Variants in METTL21A observed in about 807,000 individuals in gnomAD.
METTL21A encodes methyltransferase 21A, HSPA lysine.
Under a neutral mutation model 20.9 loss-of-function variants are expected in METTL21A, and 22 were observed. The observed-to-expected ratio is 1.05, with a 90% CI of 0.75 to 1.50. The LOEUF (loss-of-function observed/expected upper bound fraction) is 1.50, where lower values mean the gene tolerates loss of function less well. Among genes scored for constraint, METTL21A ranks in the 40% most tolerant of loss-of-function variants. METTL21A has a pLI of 0.00. For missense variants in METTL21A, 271 were observed against 266.8 expected, an observed-to-expected ratio of 1.02 and a Z score of -0.11; for synonymous variants, 93 against 102.0, an observed-to-expected ratio of 0.91 and a Z score of 0.53.
intron 3 of METTL21A, among the ~76,000 whole-genome samples, chr2:207,616,706 C>T (rs1378561109): frequency 2.0e-5 from 3 of 152,040 alleles, no homozygotes; most frequent in South Asian, 2.1e-4. Flanking sequence ...ATTAGCCAGG[C>T]GTGGTGGCAG....
At chr2:207,604,588 CTTG>C (rs2087751320), downstream of METTL21A, among the ~76,000 whole-genome samples, 1 of 152,142 alleles carries the variant, frequency 6.6e-6, no homozygotes, top group African/African-American at 2.4e-5. Flanking sequence ...GAATGTTATC[CTTG>C]TTTTTAATTA....
At chr2:207,587,207 C>CA (rs1210070363) in intron 3 of METTL21A, among the ~76,000 whole-genome samples, 1 of 152,044 alleles carries the variant, frequency 6.6e-6, no homozygotes, top group Non-Finnish European at 1.5e-5. Flanking sequence ...TCCTGGCTAA[C>CA]ACGGTGAAAC....
chr2:207,604,470 T>C (rs1216871423), downstream of METTL21A, among the ~76,000 whole-genome samples: 1 of 105,324 alleles, frequency 9.5e-6, no homozygotes, highest in East Asian at 3.4e-4. Context: ...TTCTTAACTG[T>C]GCGTCCTAAT....
At chr2:207,596,854 A>T (rs1575042639) in intron 3 of METTL21A, 1 of 1,569,922 alleles carries the variant, frequency 6.4e-7, no homozygotes, top group East Asian at 2.3e-5. Context: ...AAAAAAGGTA[A>T]TCCAAAATAA....
intron 3 of METTL21A, among the ~76,000 whole-genome samples, chr2:207,587,427 A>C (rs1426868218): frequency 2.0e-5 from 3 of 151,878 alleles, no homozygotes; most frequent in Non-Finnish European, 2.9e-5. Context: ...AAAAACACAC[A>C]AAAAATAAAA....
At position 207,622,579 on chromosome 2, in the gene METTL21A, A is replaced by G. The variant is rs539336278; in HGVS notation, c.148-662T>C. On this transcript the variant is annotated intron_variant, in intron 2 of 3. Transcript: ENST00000406927. ...TTGTTTAAGGGAATGCCCAGTTCCT[A>G]AACCAAACTCAGGTCAGCAAAGCCA... Among the ~76,000 whole-genome samples, 8 of 152,370 alleles carry G rather than the reference A, an allele frequency of 5.3e-5. No individual in the cohort carries two copies. The East Asian group carries it at 1.4e-3, about 26-fold the overall frequency.
At chr2:207,616,313 T>C (rs150002075) in intron 3 of METTL21A, among the ~76,000 whole-genome samples, 6 of 152,348 alleles carry the variant, frequency 3.9e-5, no homozygotes, top group Admixed American at 2.0e-4. Flanking sequence ...ATCACCTCAG[T>C]ATTCATTTTA....
Position 207,581,936 on chromosome 2 carries a change from T to C in METTL21A, c.*211A>G. On this transcript the variant is annotated 3_prime_UTR_variant, in exon 4 of 4. Coordinates refer to the METTL21A transcript ENST00000425132. ...TAGAATATCCCTCAGTTTGCATTTG[T>C]CCAGTGTTTTCTATGGATAGATTGA... is the stretch of plus-strand genomic sequence containing the variant. 3 of 702,996 alleles carry C rather than the reference T, an allele frequency of 4.3e-6. No homozygotes were observed. In the South Asian group the frequency reaches 4.4e-5, roughly 10 times the overall value. The allele number at this position is 702,996 out of a possible 1,614,324, so 43.5% of individuals were successfully genotyped here.
chr2:207,582,055 C>G (rs1299631625), exon 4 of METTL21A: 1 of 700,584 alleles, frequency 1.4e-6, no homozygotes, highest in Non-Finnish European at 2.6e-6. Context: ...GCGATATTAA[C>G]TTTGATCACT....
chr2:207,625,992 C>A (rs1465021226), upstream of METTL21A: 2 of 152,470 alleles, frequency 1.3e-5, no homozygotes, highest in African/African-American at 2.4e-5. Flanking sequence ...TCGGCGGGCT[C>A]TGGCTGCAGT....
exon 4 of METTL21A, chr2:207,581,838 T>TC (rs1310902701): frequency 4.3e-6 from 3 of 702,766 alleles, no homozygotes; most frequent in Admixed American, 4.0e-5. Context: ...ATAGTCTCCT[T>TC]CAGTCTGTGA....
At chr2:207,588,986 A>T (rs1002955056) in intron 3 of METTL21A, among the ~76,000 whole-genome samples, 17 of 151,468 alleles carry the variant, frequency 1.1e-4, no homozygotes, top group Admixed American at 9.9e-4. Context: ...ATGCCTTTTA[A>T]TTTTTTTTCC....
At chr2:207,581,551 A>G (rs933737227), downstream of METTL21A, 11 of 238,402 alleles carry the variant, frequency 4.6e-5, no homozygotes, top group African/African-American at 2.4e-4. Flanking sequence ...AAATGTTAAC[A>G]TTCTAAAGTC....
At chr2:207,606,353 G>T (rs1347488782), downstream of METTL21A, among the ~76,000 whole-genome samples, 1 of 152,086 alleles carries the variant, frequency 6.6e-6, no homozygotes, top group Non-Finnish European at 1.5e-5. Context: ...ATGGTGGCAG[G>T]CGCCTGTAAT....
At chr2:207,624,108 A>T in intron 2 of METTL21A, 121 bp downstream of exon 2, 1 of 1,208,200 alleles carries the variant, frequency 8.3e-7, no homozygotes, top group Non-Finnish European at 1.1e-6. Context: ...TGTGCACTTT[A>T]AATAGGTAAA....
intron 3 of METTL21A, among the ~76,000 whole-genome samples, chr2:207,589,515 G>A (rs1465706744): frequency 6.6e-6 from 1 of 152,096 alleles, no homozygotes; most frequent in Non-Finnish European, 1.5e-5. Flanking sequence ...GCCATATAAG[G>A]TAACATACTC....
At chr2:207,586,929 G>A (rs899760298) in intron 3 of METTL21A, among the ~76,000 whole-genome samples, 2 of 152,136 alleles carry the variant, frequency 1.3e-5, no homozygotes, top group African/African-American at 4.8e-5. Context: ...TCCTCTTTGT[G>A]TTAGGAAGTA....
At chr2:207,607,722 T>C (rs1425910864), downstream of METTL21A, among the ~76,000 whole-genome samples, 1 of 134,070 alleles carries the variant, frequency 7.5e-6, no homozygotes, top group Non-Finnish European at 1.5e-5. Flanking sequence ...CAGTATTTGG[T>C]ATTAATTGGG....
At chr2:207,588,857 C>T (rs1244159608) in intron 3 of METTL21A, among the ~76,000 whole-genome samples, 1 of 140,124 alleles carries the variant, frequency 7.1e-6, no homozygotes, top group Admixed American at 7.5e-5. Context: ...TATGACCATT[C>T]TAAATTTACT....
Sources: allele counts gnomAD v4.1 joint callset (sites outside exome capture counted in the v4.1 genomes callset), GRCh38; gene constraint gnomAD v4.1.1; transcripts MANE v1.5; gene names NCBI Gene and HGNC (gene_info 2026-07-23, HGNC 2026-07-21).